The following CXCL13 variants were observed in gnomAD, a reference collection of about 807,000 sequenced individuals.
CXCL13 encodes the protein C-X-C motif chemokine ligand 13.
In CXCL13, 7 loss-of-function variants were observed where a neutral mutation model predicts 12.2. The ratio of observed to expected loss-of-function variants is 0.57; its 90% CI spans 0.33 to 1.07. CXCL13 has a LOEUF of 1.07. Ranked by LOEUF, CXCL13 falls within the 50% of genes least tolerant of loss-of-function variation. The pLI is 0.04. For missense variants in CXCL13, 113 were observed against 127.4 expected (o/e 0.89, Z 0.55); for synonymous variants, 47 against 42.4 (o/e 1.11, Z -0.42).
chr4:77,590,817 T>C (rs1726586766), intron 1 of CXCL13, among the ~76,000 whole-genome samples: 1 of 152,214 alleles, frequency 6.6e-6, no homozygotes, highest in Non-Finnish European at 1.5e-5. Flanking sequence ...AGAATGGGCA[T>C]GTTAAATGCT....
chr4:77,546,558 A>G (rs1438792198), intron 1 of CXCL13, among the ~76,000 whole-genome samples: 2 of 152,102 alleles, frequency 1.3e-5, no homozygotes, highest in Non-Finnish European at 1.5e-5. Flanking sequence ...GTATTCTCTG[A>G]TGGTAGTTTG....
intron 1 of CXCL13, among the ~76,000 whole-genome samples, chr4:77,559,077 G>A (rs572061634): frequency 6.6e-6 from 1 of 152,308 alleles, no homozygotes; most frequent in South Asian, 2.1e-4. Context: ...CATCAACTGT[G>A]ATTGTTTTAA....
chr4:77,576,743 A>G (rs375224202), intron 1 of CXCL13, among the ~76,000 whole-genome samples: 45 of 152,200 alleles, frequency 3.0e-4, no homozygotes, highest in African/African-American at 1.1e-3. Flanking sequence ...ATCAAAGTCA[A>G]TCTAAAAGGC....
chr4:77,560,275 G>A lies in CXCL13; in HGVS notation c.-42-45549G>A, dbSNP rs117250949. ...AGGTTGAATTGTGTTTCCAAGTCAC[G>A]CTACTAGTTCTTATTGGAATCTGTG... On this transcript the variant is annotated intron_variant, in intron 1 of 4. Coordinates refer to the CXCL13 transcript ENST00000286758. 4.5e-3 allele frequency among the ~76,000 whole-genome samples: 687 copies of A among 152,174 alleles called. 18 individuals are homozygous for A. The highest frequency in any genetic ancestry group is 0.027 in the East Asian group (141 of 5,182).
intron 1 of CXCL13, among the ~76,000 whole-genome samples, chr4:77,546,726 G>A (rs983108304): frequency 6.6e-6 from 1 of 152,094 alleles, no homozygotes; most frequent in African/African-American, 2.4e-5. Flanking sequence ...GAGATTTTGT[G>A]TCTCTTATCT....
chr4:77,534,238 G>A (rs1725003066), intron 1 of CXCL13, among the ~76,000 whole-genome samples: 2 of 152,106 alleles, frequency 1.3e-5, no homozygotes, highest in Admixed American at 1.3e-4. Context: ...CCTAGCAATT[G>A]CACTCCTGGG....
intron 1 of CXCL13, among the ~76,000 whole-genome samples, chr4:77,537,897 A>G (rs1407343340): frequency 1.3e-5 from 2 of 152,182 alleles, no homozygotes; most frequent in Admixed American, 1.3e-4. Flanking sequence ...AAATCAACCC[A>G]GTGAGCTTCA....
intron 1 of CXCL13, among the ~76,000 whole-genome samples, chr4:77,566,191 T>C (rs1192606850): frequency 6.6e-6 from 1 of 152,204 alleles, no homozygotes; most frequent in East Asian, 1.9e-4. Context: ...ACAAATTTCT[T>C]CCGTCCCGCT....
intron 1 of CXCL13, among the ~76,000 whole-genome samples, chr4:77,590,761 T>C (rs1726584978): frequency 6.6e-6 from 1 of 152,248 alleles, no homozygotes; most frequent in African/African-American, 2.4e-5. Flanking sequence ...TGTGTAGTTC[T>C]TTGCTCCAGG....
At chr4:77,515,278 A>T (rs543250198) in intron 1 of CXCL13, among the ~76,000 whole-genome samples, 13 of 152,168 alleles carry the variant, frequency 8.5e-5, no homozygotes, top group Admixed American at 6.6e-5. Flanking sequence ...TAGGATTGAC[A>T]TGGCGATGTG....
chr4:77,599,625 A>C (rs1726848848), intron 1 of CXCL13, among the ~76,000 whole-genome samples: 2 of 152,186 alleles, frequency 1.3e-5, no homozygotes. Context: ...AAGAGTCCTC[A>C]ACCCCATCTG....
intron 1 of CXCL13, among the ~76,000 whole-genome samples, chr4:77,519,074 C>G (rs1724504838): frequency 6.6e-6 from 1 of 152,154 alleles, no homozygotes; most frequent in Admixed American, 6.5e-5. Context: ...TCCTGTTTGC[C>G]TGGGTATCAG....
intron 1 of CXCL13, among the ~76,000 whole-genome samples, chr4:77,552,334 C>A (rs1043264522): frequency 6.6e-6 from 1 of 152,072 alleles, no homozygotes; most frequent in Non-Finnish European, 1.5e-5. Context: ...TGTAGAGAAT[C>A]CTAGGTAGGG....
In CXCL13 at chr4:77,542,424, T is replaced by G. The variant is rs144574845; in HGVS notation, c.-43+30636T>G. Among the ~76,000 whole-genome samples the G allele has an allele frequency of 2.1e-3, 324 of 152,150 alleles. 2 individuals are homozygous for G. Among genetic ancestry groups the G allele is most frequent in the African/African-American group, 7.5e-3 (312 of 41,546 alleles). On this transcript the variant is annotated intron_variant, in intron 1 of 4. Transcript: ENST00000286758. ...TTTAAGGTTTCTACTCTGAAGGGAT[T>G]TTTGGTCTAATTGAGAGTTTTTTCT...
chr4:77,559,692 G>A (rs242114), intron 1 of CXCL13, among the ~76,000 whole-genome samples: 33,364 of 151,794 alleles, frequency 0.22, 3,912 homozygotes, highest in East Asian at 0.35. Flanking sequence ...GGAGGCCGAG[G>A]CAGGCAGATC....
At chr4:77,610,371 C>T (rs972704648) in intron 2 of CXCL13, among the ~76,000 whole-genome samples, 8 of 152,322 alleles carry the variant, frequency 5.3e-5, no homozygotes, top group Non-Finnish European at 1.2e-4. Flanking sequence ...TAACCTCTGA[C>T]ATGTGAGGCC....
At chr4:77,588,821 C>T (rs1297056538) in intron 1 of CXCL13, among the ~76,000 whole-genome samples, 2 of 152,126 alleles carry the variant, frequency 1.3e-5, no homozygotes, top group Non-Finnish European at 2.9e-5. Flanking sequence ...GCTGAACTCT[C>T]CCATAGCAAT....
chr4:77,514,041 C>T lies in CXCL13; in HGVS notation c.-43+2253C>T, dbSNP rs555866091. On this transcript the variant is annotated intron_variant, in intron 1 of 4. Transcript: ENST00000286758. ...TCATTGTTCAATTCCCACCTATGAG[C>T]GAGAATATGTGGTGTTTGGTTTTTT... Among the ~76,000 whole-genome samples the T allele has an allele frequency of 1.7e-3, 263 of 151,836 alleles. 3 individuals are homozygous for T. The highest frequency in any genetic ancestry group is 5.5e-3 in the African/African-American group (228 of 41,404).
intron 1 of CXCL13, among the ~76,000 whole-genome samples, chr4:77,593,770 G>T (rs1243158236): frequency 6.6e-6 from 1 of 152,194 alleles, no homozygotes; most frequent in Non-Finnish European, 1.5e-5. Flanking sequence ...GGGTGCTCTT[G>T]CAGAGAAGAA....
Sources: gnomAD v4.1 joint callset for allele counts (sites outside exome capture counted in the v4.1 genomes callset) on GRCh38, gnomAD v4.1.1 for gene constraint, MANE v1.5 for transcripts, NCBI Gene and HGNC (gene_info 2026-07-23, HGNC 2026-07-21) for gene names.